MGA: variants seen among roughly 807,000 people sequenced by gnomAD.
MGA encodes MAX gene-associated protein.
Under a neutral mutation model 261.1 loss-of-function variants are expected in MGA, and 40 were observed. The observed-to-expected ratio is 0.15, with a 90% CI of 0.12 to 0.20. The LOEUF is 0.20. MGA is among the 10% of genes least tolerant of loss of function. The pLI, the probability that MGA is intolerant of heterozygous loss-of-function variation, is 1.00. For synonymous variants in MGA, 1,302 were observed against 1,290.6 expected (o/e 1.01, Z -0.19); for missense variants, 3,397 against 3,630.5 (o/e 0.94, Z 1.65).
chr15:41,712,868 G>A (rs1158324047), intron 8 of MGA, among the ~76,000 whole-genome samples: 4 of 152,014 alleles, frequency 2.6e-5, no homozygotes, highest in Admixed American at 2.6e-4. Flanking sequence ...TTGGCCCATG[G>A]GTCTCAACCT....
At position 41,713,238 on chromosome 15, in the gene MGA, T is replaced by C; in HGVS notation, c.3172T>C (p.Cys1058Arg). Residue 1058 changes from cysteine (C) to arginine (R), a missense_variant, in exon 9 of 24, where the codon TGT (cysteine) becomes CGT (arginine). Physicochemically the swap from Cys to Arg is radical, Grantham distance 180 (BLOSUM62 -3). Coordinates refer to ENST00000219905, the MANE Select transcript of MGA (RefSeq NM_001164273.2). ...TGACTTCTGTCGACTGGGTTGTGTATGTTCCAGTCTAGCTTTGGAGAAGCG... is the reference window on the plus strand; with the variant it reads ...TGACTTCTGTCGACTGGGTTGTGTACGTTCCAGTCTAGCTTTGGAGAAGCG... The C allele has an allele frequency of 6.2e-7, 1 of 1,614,018 alleles. No homozygotes were observed. The highest frequency in any genetic ancestry group is 1.1e-5 in the South Asian group (1 of 91,088).
intron 9 of MGA, chr15:41,718,286 A>AGTGTGTGTGT (rs536829836): frequency 1.0e-4 from 21 of 209,538 alleles, no homozygotes; most frequent in African/African-American, 5.5e-4. Context: ...GTGTATATGT[A>AGTGTGTGTGT]GTGTGTGTGT....
chr15:41,756,144 G>C (rs1425132418), intron 18 of MGA, among the ~76,000 whole-genome samples: 1 of 152,140 alleles, frequency 6.6e-6, no homozygotes, highest in Non-Finnish European at 1.5e-5. Flanking sequence ...GCCAAACTCA[G>C]ATATGAAGAA....
rs118037796 is a variant in MGA, at chr15:41,661,033, C to A, written c.-68+508C>A. Among the ~76,000 whole-genome samples the A allele has an allele frequency of 3.1e-3, 475 of 152,364 alleles. 2 individuals carry two copies. Among genetic ancestry groups the A allele is most frequent in the Non-Finnish European group, 4.7e-3 (320 of 68,036 alleles). ...GAGAACTTGGCGCAGCGTTTTGACA[C>A]CTGTGCAAACGTCTTTTCTAACAAG... On this transcript the variant is annotated intron_variant, in intron 1 of 23. Transcript: ENST00000219905.
At chr15:41,653,130 G>T (rs1002701111) in intron 1 of MGA, among the ~76,000 whole-genome samples, 6 of 152,096 alleles carry the variant, frequency 3.9e-5, no homozygotes, top group Non-Finnish European at 7.3e-5. Flanking sequence ...ACTTTGGGAG[G>T]CCGAGGCAGG....
chr15:41,634,474 T>A (rs936812881), intron 1 of MGA, among the ~76,000 whole-genome samples: 2 of 152,210 alleles, frequency 1.3e-5, no homozygotes, highest in African/African-American at 4.8e-5. Context: ...TGCTCAGTCA[T>A]GGGACACTAA....
At chr15:41,684,645 G>C (rs2058851743) in intron 2 of MGA, 1 of 198,958 alleles carries the variant, frequency 5.0e-6, no homozygotes, top group East Asian at 1.3e-4. Context: ...GCGAACAAAT[G>C]CATGTTGTGT....
At chr15:41,623,408 A>C (rs2056357334) in intron 1 of MGA, among the ~76,000 whole-genome samples, 1 of 152,204 alleles carries the variant, frequency 6.6e-6, no homozygotes, top group African/African-American at 2.4e-5. Context: ...TTATATTGGA[A>C]CAATCAACTG....
chr15:41,726,741 A>G (rs1023132097), intron 9 of MGA, among the ~76,000 whole-genome samples: 2 of 138,680 alleles, frequency 1.4e-5, no homozygotes, highest in African/African-American at 5.2e-5. Flanking sequence ...AAAAAAAAAA[A>G]AAAATTTTTT....
upstream of MGA, among the ~76,000 whole-genome samples, chr15:41,658,703 G>GTT (rs146140163): frequency 1.4e-5 from 2 of 144,300 alleles, no homozygotes; most frequent in African/African-American, 2.6e-5. Context: ...AAAGTTCAGC[G>GTT]TTTTTTTTTT....
intron 2 of MGA, among the ~76,000 whole-genome samples, chr15:41,679,844 TG>T (rs950316795): frequency 5.3e-5 from 8 of 152,170 alleles, no homozygotes; most frequent in Non-Finnish European, 7.3e-5. Context: ...AATTTGAATA[TG>T]TTTTTTTTTC....
At chr15:41,742,396 G>T in intron 14 of MGA, 150 bp from the exon 15 acceptor site, 1 of 995,846 alleles carries the variant, frequency 1.0e-6, no homozygotes. Flanking sequence ...TCTTAAAAAA[G>T]AAAAAAAAGA....
chr15:41,637,059 G>C (rs1259703932), intron 1 of MGA, among the ~76,000 whole-genome samples: 2 of 152,190 alleles, frequency 1.3e-5, no homozygotes, highest in Non-Finnish European at 2.9e-5. Flanking sequence ...AAAGGTCGTA[G>C]TAAAGAGAGA....
chr15:41,626,458 T>C (rs1423476451), intron 1 of MGA, among the ~76,000 whole-genome samples: 1 of 152,140 alleles, frequency 6.6e-6, no homozygotes, highest in Non-Finnish European at 1.5e-5. Flanking sequence ...GTTTTACTCT[T>C]GTTGCCCAGG....
At chr15:41,695,195 T>TC (rs1379539366) in intron 2 of MGA, among the ~76,000 whole-genome samples, 1 of 151,932 alleles carries the variant, frequency 6.6e-6, no homozygotes, top group South Asian at 2.1e-4. Context: ...ATCTTTTTTT[T>TC]TTTTTTCTTT....
intron 1 of MGA, among the ~76,000 whole-genome samples, chr15:41,643,302 G>A (rs1377070591): frequency 9.3e-5 from 14 of 150,948 alleles, no homozygotes; most frequent in Admixed American, 2.7e-4. Flanking sequence ...GTGCAGTGGC[G>A]TGACCTTGGC....
chr15:41,760,960 G>A (rs181915147), intron 20 of MGA, among the ~76,000 whole-genome samples: 1 of 152,138 alleles, frequency 6.6e-6, no homozygotes, highest in Non-Finnish European at 1.5e-5. Context: ...TAGTAGAGAC[G>A]GGGTTTCTCT....
At chr15:41,700,723 G>A (rs2059806966) in intron 5 of MGA, among the ~76,000 whole-genome samples, 1 of 151,896 alleles carries the variant, frequency 6.6e-6, no homozygotes, top group African/African-American at 2.4e-5. Context: ...CCTGTTTTGG[G>A]GTGTAATGAA....
rs745362876 is a variant in MGA, at chr15:41,751,729, T to TA, written c.7008+1126dup. ...ACAAGAACAAAACTCTGTCTCGGGT[T>TA]AAAAAAAAAAAAGAAGTTGTTAGTG... On this transcript the variant is annotated intron_variant, in intron 17 of 23. Coordinates refer to ENST00000219905, the MANE Select transcript of MGA (RefSeq NM_001164273.2). 9.3e-3 allele frequency: 1,339 copies of TA among 143,326 alleles called. 13 individuals carry two copies. The highest frequency in any genetic ancestry group is 0.031 in the African/African-American group (1,209 of 39,124). The allele number at this position is 143,326 out of a possible 1,614,324, so 8.9% of individuals were successfully genotyped here. A position where few individuals can be genotyped will look rare whatever the true frequency, so the allele number is the denominator to read the frequency against.
Sources: allele counts gnomAD v4.1 joint callset (sites outside exome capture counted in the v4.1 genomes callset), GRCh38; gene constraint gnomAD v4.1.1; transcripts MANE v1.5; gene names NCBI Gene and HGNC (gene_info 2026-07-23, HGNC 2026-07-21).